Variants in TRIO observed in about 807,000 individuals in gnomAD.
TRIO encodes the protein trio Rho guanine nucleotide exchange factor.
TRIO carries 58 observed loss-of-function variants against 351.9 expected under a neutral mutation model. That is an observed-to-expected ratio of 0.16 (90% CI 0.13 to 0.21). The LOEUF (loss-of-function observed/expected upper bound fraction) is 0.21, where lower values mean the gene tolerates loss of function less well. Ranked by LOEUF, TRIO falls within the 10% of genes least tolerant of loss-of-function variation. The pLI is 1.00. For missense variants in TRIO, 3,201 were observed against 4,027.8 expected (o/e 0.79, Z 5.56); for synonymous variants, 1,758 against 1,595.7 (o/e 1.10, Z -2.42).
intron 11 of TRIO, among the ~76,000 whole-genome samples, chr5:14,341,203 A>T (rs1741911477): frequency 6.6e-6 from 1 of 152,162 alleles, no homozygotes; most frequent in African/African-American, 2.4e-5. Flanking sequence ...TCTGTTGATA[A>T]TGCTCCTGCT....
At position 14,417,511 on chromosome 5, in the gene TRIO, A is replaced by C. The variant is rs571023595; in HGVS notation, c.4960-2267A>C. ...CAGCGGGAGTGTGAGCCATCGGAGG[A>C]TGTGCGGGCTCCTGGGTCTCTGGGT... On this transcript the variant is annotated intron_variant, in intron 33 of 56. Transcript: ENST00000344204. 3.3e-3 allele frequency among the ~76,000 whole-genome samples: 502 copies of C among 152,348 alleles called. 2 individuals carry two copies. The highest frequency in any genetic ancestry group is 4.7e-3 in the Non-Finnish European group (323 of 68,026).
At chr5:14,210,594 A>T (rs1477836473) in intron 1 of TRIO, among the ~76,000 whole-genome samples, 1 of 124,812 alleles carries the variant, frequency 8.0e-6, no homozygotes, top group African/African-American at 2.5e-5. Flanking sequence ...CACTTTTGAA[A>T]GTGTTTTTTT....
intron 2 of TRIO, among the ~76,000 whole-genome samples, chr5:14,277,707 A>G (rs1735663518): frequency 6.6e-6 from 1 of 152,254 alleles, no homozygotes; most frequent in African/African-American, 2.4e-5. Flanking sequence ...TCATTTGGGT[A>G]CTTCCTGTGA....
intron 33 of TRIO, among the ~76,000 whole-genome samples, chr5:14,413,832 G>A (rs1040854018): frequency 2.0e-5 from 3 of 152,202 alleles, no homozygotes; most frequent in Non-Finnish European, 2.9e-5. Flanking sequence ...CATGATCGAA[G>A]TTACAGTTGG....
intron 8 of TRIO, among the ~76,000 whole-genome samples, chr5:14,307,568 A>G (rs943666846): frequency 6.6e-6 from 1 of 152,218 alleles, no homozygotes; most frequent in African/African-American, 2.4e-5. Flanking sequence ...CACAGTGGAC[A>G]GAGGATACTG....
chr5:14,504,515 A>G lies in TRIO; in HGVS notation c.8534A>G (p.Gln2845Arg), dbSNP rs980177928. The G allele has an allele frequency of 1.9e-6, 3 of 1,614,160 alleles. No individual in the cohort carries two copies. Among genetic ancestry groups the G allele is most frequent in the Admixed American group, 1.7e-5 (1 of 60,028 alleles). Residue 2845 changes from glutamine to arginine, a missense_variant, in exon 55 of 57, where the codon CAG (glutamine) becomes CGG (arginine). Coordinates refer to ENST00000344204, the MANE Select transcript of TRIO (RefSeq NM_007118.4). ...GTCACCCATGAGCTTGGCATCCTGC[A>G]GAGCCTCCAGCACCCCCTGCTTGTC... ...DQVTHELGIL[Q>R]SLQHPLLVGL...
chr5:14,307,120 G>T (rs1236020261), intron 8 of TRIO, among the ~76,000 whole-genome samples: 1 of 152,150 alleles, frequency 6.6e-6, no homozygotes, highest in Non-Finnish European at 1.5e-5. Context: ...AGGGCTACAG[G>T]AAAGTGGTAG....
At chr5:14,199,162 G>T (rs1178574895) in intron 1 of TRIO, among the ~76,000 whole-genome samples, 1 of 125,610 alleles carries the variant, frequency 8.0e-6, no homozygotes, top group African/African-American at 3.1e-5. Context: ...GTTTGAACCT[G>T]CTGCATTCCA....
chr5:14,464,615 C>CA (rs1754108924), intron 36 of TRIO, among the ~76,000 whole-genome samples: 1 of 151,994 alleles, frequency 6.6e-6, no homozygotes, highest in South Asian at 2.1e-4. Flanking sequence ...GTCATTAGAC[C>CA]AAACCAACAT....
At chr5:14,423,180 G>T (rs1218660917) in intron 34 of TRIO, among the ~76,000 whole-genome samples, 1 of 152,218 alleles carries the variant, frequency 6.6e-6, no homozygotes, top group Non-Finnish European at 1.5e-5. Context: ...AGTCTTATTT[G>T]TGTTTGTCGT....
At chr5:14,309,513 TAAA>T (rs1738718296) in intron 8 of TRIO, among the ~76,000 whole-genome samples, 2 of 152,258 alleles carry the variant, frequency 1.3e-5, no homozygotes, top group Non-Finnish European at 1.5e-5. Context: ...TTTATATTCC[TAAA>T]TCAGTGGTTT....
At chr5:14,191,273 C>T (rs1790442013) in intron 1 of TRIO, among the ~76,000 whole-genome samples, 1 of 152,038 alleles carries the variant, frequency 6.6e-6, no homozygotes, top group South Asian at 2.1e-4. Context: ...TATTCACAAG[C>T]CTTTAAGTGA....
chr5:14,389,532 T>A (rs545163497), intron 25 of TRIO, 134 bp downstream of exon 25: 1 of 601,764 alleles, frequency 1.7e-6, no homozygotes, highest in South Asian at 2.5e-5. Flanking sequence ...AGCCTATCAG[T>A]CTTTCTCCAA....
intron 13 of TRIO, among the ~76,000 whole-genome samples, chr5:14,362,545 A>G (rs1187905676): frequency 1.3e-5 from 2 of 152,196 alleles, no homozygotes; most frequent in Non-Finnish European, 2.9e-5. Flanking sequence ...TGGTTGTCAA[A>G]GGAACCAGAT....
intron 1 of TRIO, among the ~76,000 whole-genome samples, chr5:14,200,744 G>T (rs556874345): frequency 6.6e-6 from 1 of 151,588 alleles, no homozygotes; most frequent in African/African-American, 2.4e-5. Context: ...AGCTACTTAT[G>T]GAAATATACG....
intron 1 of TRIO, among the ~76,000 whole-genome samples, chr5:14,169,326 A>G (rs1056945905): frequency 2.6e-5 from 4 of 151,534 alleles, no homozygotes; most frequent in East Asian, 1.9e-4. Flanking sequence ...AAGTGTCTCT[A>G]AATTTTCTTT....
chr5:14,170,940 C>A (rs1175971999), intron 1 of TRIO, among the ~76,000 whole-genome samples: 1 of 151,996 alleles, frequency 6.6e-6, no homozygotes, highest in Non-Finnish European at 1.5e-5. Context: ...TATACAATTT[C>A]AGTGTTAGAT....
At chr5:14,271,254 A>C (rs1795958539) in intron 2 of TRIO, among the ~76,000 whole-genome samples, 1 of 152,178 alleles carries the variant, frequency 6.6e-6, no homozygotes, top group Non-Finnish European at 1.5e-5. Context: ...ATGGGTCCTG[A>C]ATTTCTCACT....
At chr5:14,500,355 T>C (rs1376862253) in intron 53 of TRIO, among the ~76,000 whole-genome samples, 2 of 152,196 alleles carry the variant, frequency 1.3e-5, no homozygotes, top group African/African-American at 4.8e-5. Context: ...CCTCATTCTC[T>C]CCAGCCCTGG....
Sources: gnomAD v4.1 joint callset for allele counts (sites outside exome capture counted in the v4.1 genomes callset) on GRCh38, gnomAD v4.1.1 for gene constraint, MANE v1.5 for transcripts, NCBI Gene and HGNC (gene_info 2026-07-23, HGNC 2026-07-21) for gene names.